Variants in LRP2 observed in about 807,000 individuals in gnomAD.
LRP2 encodes low-density lipoprotein receptor-related protein 2.
A neutral mutation model predicts 531.0 loss-of-function variants in LRP2; 172 were observed. The ratio of observed to expected loss-of-function variants is 0.32; its 90% CI spans 0.29 to 0.37. The LOEUF is 0.37. Ranked by LOEUF, LRP2 falls within the 10% of genes least tolerant of loss-of-function variation. The probability of loss-of-function intolerance (pLI) is 1.00; values close to 1 mark genes in which losing one functional copy is unlikely to be tolerated. For missense variants in LRP2, 5,167 were observed against 5,868.3 expected (o/e 0.88, Z 3.90); for synonymous variants, 1,992 against 2,027.6 (o/e 0.98, Z 0.47).
chr2:169,206,310 A>G lies in LRP2; in HGVS notation c.7390+20T>C, dbSNP rs770754714. ...CATTGTGTCTACTTGCAGGACAAGC[A>G]GCACCTGGAGTGCACTTACCTGAAG... is the stretch of plus-strand genomic sequence containing the variant. On this transcript the variant is annotated intron_variant, in intron 39 of 78. Coordinates refer to ENST00000649046, the MANE Select transcript of LRP2 (RefSeq NM_004525.3). The G allele has an allele frequency of 7.4e-6, 12 of 1,612,504 alleles. No individual in the cohort carries two copies. The East Asian group carries it at 2.7e-4, about 36-fold the overall frequency.
At chr2:169,270,008 C>T (rs1376560827) in intron 16 of LRP2, among the ~76,000 whole-genome samples, 1 of 152,106 alleles carries the variant, frequency 6.6e-6, no homozygotes, top group African/African-American at 2.4e-5. Context: ...AGAAAAAATG[C>T]TCATCATCAC....
chr2:169,264,712 A>T (rs1421175595), intron 16 of LRP2, among the ~76,000 whole-genome samples: 2 of 152,048 alleles, frequency 1.3e-5, no homozygotes, highest in African/African-American at 4.8e-5. Context: ...CAGAAGCCTC[A>T]GTGCACTCAC....
chr2:169,335,667 G>A (rs948463381), intron 1 of LRP2, among the ~76,000 whole-genome samples: 4 of 152,002 alleles, frequency 2.6e-5, no homozygotes, highest in African/African-American at 4.8e-5. Flanking sequence ...AAAAAAAAAG[G>A]AAGTTCAGCG....
intron 3 of LRP2, among the ~76,000 whole-genome samples, chr2:169,308,317 G>GC (rs1559068107): frequency 6.6e-6 from 1 of 152,000 alleles, no homozygotes; most frequent in Admixed American, 6.6e-5. Flanking sequence ...TTGGTGTGCT[G>GC]CCCCCATTAA....
intron 58 of LRP2, among the ~76,000 whole-genome samples, 171 bp downstream of exon 58, chr2:169,171,844 T>C (rs899080891): frequency 2.0e-5 from 3 of 152,196 alleles, no homozygotes; most frequent in African/African-American, 7.2e-5. Flanking sequence ...TGCTTATGTC[T>C]TTAGTGGAAG....
chr2:169,153,105 A>T (rs774230780), intron 66 of LRP2, 141 bp from the exon 67 acceptor site: 1 of 802,712 alleles, frequency 1.2e-6, no homozygotes, highest in Non-Finnish European at 2.2e-6. Context: ...GAATAATTCA[A>T]TGACATCAGT....
chr2:169,258,195 C>T (rs977294094), intron 17 of LRP2, among the ~76,000 whole-genome samples: 4 of 152,092 alleles, frequency 2.6e-5, no homozygotes, highest in African/African-American at 9.7e-5. Context: ...ACAGGCATTC[C>T]AGTCAGACAG....
chr2:169,196,064 G>T (rs1401695653), intron 46 of LRP2, among the ~76,000 whole-genome samples: 1 of 152,146 alleles, frequency 6.6e-6, no homozygotes, highest in East Asian at 1.9e-4. Flanking sequence ...GAATATTATA[G>T]TCATTAAAAG....
At chr2:169,275,406 T>C in intron 13 of LRP2, 168 bp from the exon 14 acceptor site, 7 of 624,146 alleles carry the variant, frequency 1.1e-5, no homozygotes, top group East Asian at 8.5e-5. Context: ...TCCATCTACA[T>C]ATGATAGAAG....
intron 77 of LRP2, among the ~76,000 whole-genome samples, chr2:169,130,240 G>T (rs931906156): frequency 3.3e-5 from 5 of 152,096 alleles, no homozygotes; most frequent in Admixed American, 2.0e-4. Context: ...TCTCCTTGGG[G>T]GATCCTATGC....
At chr2:169,305,499 A>G (rs1296307903) in intron 4 of LRP2, among the ~76,000 whole-genome samples, 1 of 152,232 alleles carries the variant, frequency 6.6e-6, no homozygotes, top group East Asian at 1.9e-4. Flanking sequence ...GAGACAATCC[A>G]GAGAACTAAA....
At chr2:169,169,642 C>T (rs888457326) in intron 60 of LRP2, 60 bp downstream of exon 60, 3 of 1,342,704 alleles carry the variant, frequency 2.2e-6, no homozygotes, top group Non-Finnish European at 3.2e-6. Context: ...GGACTGATGT[C>T]TAAACTATCA....
chr2:169,341,475 C>T lies in LRP2; in HGVS notation c.80-20591G>A, dbSNP rs530589774. Among the ~76,000 whole-genome samples the T allele has an allele frequency of 5.6e-4, 85 of 152,126 alleles. 1 individual carries two copies. The highest frequency in any genetic ancestry group is 2.1e-3 in the South Asian group (10 of 4,810). On this transcript the variant is annotated intron_variant, in intron 1 of 78. Transcript: ENST00000649046. ...GTTTCTTCCAATCTACAAAGGCATCCTAATTTTAAAAAAATTTCATCAAAT... is the reference window on the plus strand; with the variant it reads ...GTTTCTTCCAATCTACAAAGGCATCTTAATTTTAAAAAAATTTCATCAAAT...
intron 3 of LRP2, among the ~76,000 whole-genome samples, chr2:169,314,559 G>C (rs929472075): frequency 1.3e-5 from 2 of 152,124 alleles, no homozygotes; most frequent in African/African-American, 4.8e-5. Context: ...CCTTCTCCAT[G>C]CTTAATTGAT....
intron 61 of LRP2, 142 bp from the exon 62 acceptor site, chr2:169,166,196 C>T: frequency 1.2e-6 from 1 of 802,222 alleles, no homozygotes; most frequent in Non-Finnish European, 2.1e-6. Context: ...AGCAGATACA[C>T]CTTACATGTA....
intron 8 of LRP2, 115 bp from the exon 9 acceptor site, chr2:169,289,260 G>T: frequency 2.2e-6 from 3 of 1,342,126 alleles, no homozygotes; most frequent in African/African-American, 1.4e-5. Flanking sequence ...TAGATGTACA[G>T]AAAAATCTGT....
At chr2:169,158,411 TA>T (rs1187089728) in intron 63 of LRP2, among the ~76,000 whole-genome samples, 2 of 151,984 alleles carry the variant, frequency 1.3e-5, no homozygotes, top group Admixed American at 6.6e-5. Flanking sequence ...TGTTATAGTA[TA>T]AAAAAACTAA....
chr2:169,330,449 C>A (rs1459577861), intron 1 of LRP2, among the ~76,000 whole-genome samples: 3 of 152,178 alleles, frequency 2.0e-5, no homozygotes, highest in Non-Finnish European at 2.9e-5. Context: ...TCCATTTAAA[C>A]ACTAGTCACC....
chr2:169,324,848 G>A lies in LRP2; in HGVS notation c.80-3964C>T, dbSNP rs544505732. Reference sequence around the variant, plus strand: ...TTTACAGCCTCTGGCACAGCACCGGGTGCTTATGGAATAGCTAATGCATGT... The same window carrying A: ...TTTACAGCCTCTGGCACAGCACCGGATGCTTATGGAATAGCTAATGCATGT... On this transcript the variant is annotated intron_variant, in intron 1 of 78. Transcript: ENST00000649046. Among the ~76,000 whole-genome samples, 7 of 152,070 alleles carry A rather than the reference G, an allele frequency of 4.6e-5. No individual in the cohort carries two copies. In the South Asian group the frequency reaches 1.0e-3, roughly 23 times the overall value.
Sources: gnomAD v4.1 joint callset for allele counts (sites outside exome capture counted in the v4.1 genomes callset) on GRCh38, gnomAD v4.1.1 for gene constraint, MANE v1.5 for transcripts, NCBI Gene and HGNC (gene_info 2026-07-23, HGNC 2026-07-21) for gene names.